ACTR3B: variants seen among roughly 807,000 people sequenced by gnomAD.
ACTR3B encodes the protein actin related protein 3B.
In ACTR3B, 8 loss-of-function variants were observed where a neutral mutation model predicts 59.0. The ratio of observed to expected loss-of-function variants is 0.14; its 90% confidence interval spans 0.08 to 0.24. The LOEUF is 0.24. Among genes scored for constraint, ACTR3B ranks in the 10% least tolerant of loss-of-function variants. The pLI, the probability that ACTR3B is intolerant of heterozygous loss-of-function variation, is 1.00. For missense variants in ACTR3B, 245 were observed against 552.3 expected, an observed-to-expected ratio of 0.44 and a Z score of 5.58; for synonymous variants, 148 against 197.9, an observed-to-expected ratio of 0.75 and a Z score of 2.12.
In ACTR3B at chr7:152,810,249, G is replaced by T. The variant is rs1468471932; in HGVS notation, c.337-4301G>T. On this transcript the variant is annotated intron_variant, in intron 4 of 11. Transcript: ENST00000256001. ...AGCCACCCGACTGGCTGGGATTACA[G>T]GCGTGCACCACCACGCCCAGCTAAT... Among the ~76,000 whole-genome samples, 5 of 152,054 alleles carry T rather than the reference G, an allele frequency of 3.3e-5. No homozygotes were observed. In the South Asian group the frequency reaches 8.3e-4, roughly 25 times the overall value.
chr7:152,832,693 G>A lies in ACTR3B; in HGVS notation c.951+7571G>A, dbSNP rs561108712. Among the ~76,000 whole-genome samples, 65 of 152,310 alleles carry A rather than the reference G, an allele frequency of 4.3e-4. 2 individuals are homozygous for A. The South Asian group carries it at 0.013, about 31-fold the overall frequency. On this transcript the variant is annotated intron_variant, in intron 9 of 11. Coordinates refer to ENST00000256001, the MANE Select transcript of ACTR3B (RefSeq NM_020445.6). ...TCTATCTCTACATTATCTATAAACT[G>A]TAAGGAATTGGCTTGCTTTCAGGCT...
At position 152,814,651 on chromosome 7, in the gene ACTR3B, A is replaced by C. The variant is rs373349007; in HGVS notation, c.432+6A>C. 264 of 1,608,952 alleles carry C rather than the reference A, an allele frequency of 1.6e-4. 2 individuals are homozygous for C. The highest frequency in any genetic ancestry group is 1.1e-3 in the South Asian group (103 of 90,826). ...GACTCTACATTGCAGTTCAGGTAAAACCAGTTACGTTTGTGATTCCTAAAG... is the reference window on the plus strand; with the variant it reads ...GACTCTACATTGCAGTTCAGGTAAACCCAGTTACGTTTGTGATTCCTAAAG... On this transcript the variant is annotated splice_donor_region_variant and intron_variant, in intron 5 of 11. Coordinates refer to ENST00000256001, the MANE Select transcript of ACTR3B (RefSeq NM_020445.6).
intron 2 of ACTR3B, among the ~76,000 whole-genome samples, chr7:152,789,828 G>A (rs1375576229): frequency 6.6e-6 from 1 of 151,960 alleles, no homozygotes; most frequent in African/African-American, 2.4e-5. Context: ...GATAACTGTA[G>A]GTTTTTGTGG....
At chr7:152,786,386 C>T in intron 2 of ACTR3B, 1 of 229,260 alleles carries the variant, frequency 4.4e-6, no homozygotes, top group South Asian at 3.8e-5. Context: ...CACCCCATCT[C>T]TACTAAAAAT....
At chr7:152,826,158 T>C (rs1488154566) in intron 9 of ACTR3B, among the ~76,000 whole-genome samples, 1 of 152,234 alleles carries the variant, frequency 6.6e-6, no homozygotes, top group Non-Finnish European at 1.5e-5. Context: ...CGTGGAATAC[T>C]ATGTAGCTTT....
At chr7:152,778,266 A>AT (rs2098141347) in intron 1 of ACTR3B, among the ~76,000 whole-genome samples, 2 of 84,224 alleles carry the variant, frequency 2.4e-5, no homozygotes, top group South Asian at 3.5e-4. Context: ...TTTTTTATTT[A>AT]TTTTTTATTT....
chr7:152,816,116 T>G (rs1036421912), intron 5 of ACTR3B, among the ~76,000 whole-genome samples: 5 of 152,062 alleles, frequency 3.3e-5, no homozygotes, highest in Admixed American at 6.5e-5. Context: ...CTGGCTAATT[T>G]TTGTATTATT....
At chr7:152,842,590 A>C (rs1024006830) in intron 9 of ACTR3B, among the ~76,000 whole-genome samples, 2 of 152,014 alleles carry the variant, frequency 1.3e-5, no homozygotes, top group African/African-American at 4.8e-5. Flanking sequence ...GGCTTCCTTC[A>C]CTCGGTGCTT....
chr7:152,815,702 T>G (rs1329836783), intron 5 of ACTR3B, among the ~76,000 whole-genome samples: 1 of 152,076 alleles, frequency 6.6e-6, no homozygotes, highest in African/African-American at 2.4e-5. Flanking sequence ...GTACCAGATA[T>G]TGTCAGATGT....
intron 9 of ACTR3B, among the ~76,000 whole-genome samples, chr7:152,851,060 T>C (rs1798763830): frequency 6.6e-6 from 1 of 152,222 alleles, no homozygotes. Context: ...ATTCAAGACC[T>C]CCAGTGGGTG....
rs556254947 is a variant in ACTR3B, at chr7:152,851,874, A to G, written c.952-252A>G. Among the ~76,000 whole-genome samples the G allele has an allele frequency of 2.6e-5, 4 of 152,258 alleles. No individual in the cohort carries two copies. In the East Asian group the frequency reaches 7.7e-4, roughly 29 times the overall value. ...GTTGGCAGGGGGAGCATGAGGGAGCAGGATCGCCTTGTTTTTGCTTTGCTG... is the reference window on the plus strand; with the variant it reads ...GTTGGCAGGGGGAGCATGAGGGAGCGGGATCGCCTTGTTTTTGCTTTGCTG... On this transcript the variant is annotated intron_variant, in intron 9 of 11. Transcript: ENST00000256001.
chr7:152,835,925 T>G (rs1797419089), intron 9 of ACTR3B, among the ~76,000 whole-genome samples: 1 of 150,980 alleles, frequency 6.6e-6, no homozygotes, highest in Non-Finnish European at 1.5e-5. Context: ...TGCGAGGTGC[T>G]CAGTAAATGC....
chr7:152,801,391 A>G (rs2098236219), intron 3 of ACTR3B, among the ~76,000 whole-genome samples: 2 of 152,198 alleles, frequency 1.3e-5, no homozygotes, highest in South Asian at 2.1e-4. Context: ...CCTCCGTGTC[A>G]TTGTTAAGGT....
In ACTR3B at chr7:152,854,444, G is replaced by A; in HGVS notation, c.1162-14G>A. 1.2e-6 allele frequency: 2 copies of A among 1,611,862 alleles called. No individual in the cohort carries two copies. The highest frequency in any genetic ancestry group is 2.2e-5 in the South Asian group (2 of 91,016). ...GAAATGAGTGTCTTTCTGTCTGCCT[G>A]TTGCCTCTCGTAGCCCGAGTTCTTT... On this transcript the variant is annotated splice_polypyrimidine_tract_variant and intron_variant, in intron 11 of 11. Coordinates refer to ENST00000256001, the MANE Select transcript of ACTR3B (RefSeq NM_020445.6). The surrounding 1 kb of genome is among the most constrained non-coding windows in gnomAD (Gnocchi z 4.9).
chr7:152,834,167 T>C (rs1422817549), intron 9 of ACTR3B, among the ~76,000 whole-genome samples: 1 of 151,918 alleles, frequency 6.6e-6, no homozygotes, highest in Non-Finnish European at 1.5e-5. Context: ...TTTTTTTTTT[T>C]TTGAGACAGA....
chr7:152,764,390 G>A (rs2117105693), intron 1 of ACTR3B, among the ~76,000 whole-genome samples: 1 of 152,218 alleles, frequency 6.6e-6, no homozygotes, highest in East Asian at 1.9e-4. Context: ...AGCACTTTGG[G>A]AGGCCGAGGA....
At chr7:152,836,808 GTTA>G (rs1331581650) in intron 9 of ACTR3B, among the ~76,000 whole-genome samples, 1 of 152,174 alleles carries the variant, frequency 6.6e-6, no homozygotes, top group Admixed American at 6.5e-5. Flanking sequence ...ATGTTAAAAT[GTTA>G]TTATTTATGA....
chr7:152,763,351 G>A (rs1406008696), intron 1 of ACTR3B, among the ~76,000 whole-genome samples: 4 of 142,690 alleles, frequency 2.8e-5, no homozygotes, highest in Non-Finnish European at 6.1e-5. Flanking sequence ...AAAGTCATTT[G>A]TGGGGGAATA....
rs576643677 is a variant in ACTR3B, at chr7:152,799,507, C to T, written c.101-1024C>T. Reference sequence around the variant, plus strand: ...TAGCAGAGTGTTCAATAAATGTAAACTTTAATTATTATTATTAGTTATTGA... The same window carrying T: ...TAGCAGAGTGTTCAATAAATGTAAATTTTAATTATTATTATTAGTTATTGA... On this transcript the variant is annotated intron_variant, in intron 2 of 11. Transcript: ENST00000256001. Among the ~76,000 whole-genome samples, 69 of 152,222 alleles carry T rather than the reference C, an allele frequency of 4.5e-4. 1 individual carries two copies. Among genetic ancestry groups the T allele is most frequent in the African/African-American group, 1.6e-3 (68 of 41,510 alleles).
Sources: gnomAD v4.1 joint callset for allele counts (sites outside exome capture counted in the v4.1 genomes callset) on GRCh38, gnomAD v4.1.1 for gene constraint, Gnocchi (gnomAD v3.1) non-coding constraint, MANE v1.5 for transcripts, NCBI Gene and HGNC (gene_info 2026-07-23, HGNC 2026-07-21) for gene names.